Variants in HHLA2 observed in about 807,000 individuals in gnomAD.
HHLA2 encodes the protein HHLA2 member of B7 family, also known as HERV-H LTR-associating protein 2.
HHLA2 carries 48 observed loss-of-function variants against 45.9 expected under a neutral mutation model. The observed-to-expected ratio is 1.05, with a 90% CI of 0.83 to 1.33. The LOEUF is 1.33. Ranked by LOEUF, HHLA2 falls within the 40% of genes most tolerant of loss-of-function variation. The pLI is 0.00. For missense variants in HHLA2, 462 were observed against 494.3 expected (o/e 0.93, Z 0.62); for synonymous variants, 161 against 173.9 (o/e 0.93, Z 0.59).
chr3:108,366,285 T>A (rs528888730), intron 8 of HHLA2, among the ~76,000 whole-genome samples: 45 of 152,376 alleles, frequency 3.0e-4, no homozygotes, highest in African/African-American at 1.1e-3. Flanking sequence ...TTACATTTAT[T>A]GATTTGCATA....
chr3:108,365,045 G>C (rs535568054), intron 8 of HHLA2, among the ~76,000 whole-genome samples: 1 of 152,202 alleles, frequency 6.6e-6, no homozygotes, highest in Admixed American at 6.5e-5. Flanking sequence ...AATTGCTTTT[G>C]GTGTTTTAGT....
At chr3:108,375,700 G>A in intron 8 of HHLA2, 50 bp from the exon 8 acceptor site, 2 of 1,589,064 alleles carry the variant, frequency 1.3e-6, no homozygotes, top group Non-Finnish European at 8.6e-7. Flanking sequence ...CAGGGAAACA[G>A]CTGGGAGAGT....
chr3:108,323,837 A>G (rs1388625991), intron 2 of HHLA2, among the ~76,000 whole-genome samples: 1 of 152,344 alleles, frequency 6.6e-6, no homozygotes, highest in East Asian at 1.9e-4. Context: ...TGAAATGAAA[A>G]TGAATTATCT....
intron 3 of HHLA2, among the ~76,000 whole-genome samples, chr3:108,343,923 T>C (rs936265): frequency 0.68 from 102,804 of 152,050 alleles, 35,643 homozygotes; most frequent in African/African-American, 0.77. Context: ...CACAGACTGT[T>C]GATCCTCCTC....
intron 4 of HHLA2, 59 bp from the exon 4 acceptor site, chr3:108,353,367 TA>T: frequency 1.8e-6 from 2 of 1,113,650 alleles, no homozygotes; most frequent in Non-Finnish European, 2.5e-6. Flanking sequence ...AGTTCTGGTA[TA>T]ATCCTGAACA....
chr3:108,338,460 TG>T (rs1439744464), intron 3 of HHLA2, among the ~76,000 whole-genome samples: 1 of 151,562 alleles, frequency 6.6e-6, no homozygotes, highest in East Asian at 1.9e-4. Flanking sequence ...ACATGCTTGT[TG>T]GGGGGCACTC....
At chr3:108,312,285 C>T (rs551981974) in intron 2 of HHLA2, among the ~76,000 whole-genome samples, 2 of 152,354 alleles carry the variant, frequency 1.3e-5, no homozygotes, top group South Asian at 2.1e-4. Flanking sequence ...CCAGCCATCA[C>T]CCATGTGGCC....
At chr3:108,301,785 A>AAGC (rs2080852982) in intron 1 of HHLA2, among the ~76,000 whole-genome samples, 1 of 152,058 alleles carries the variant, frequency 6.6e-6, no homozygotes, top group South Asian at 2.1e-4. Context: ...TCTTGGAACC[A>AAGC]AGCAGCATGC....
intron 2 of HHLA2, among the ~76,000 whole-genome samples, chr3:108,327,475 T>A (rs2081306840): frequency 6.6e-6 from 1 of 152,210 alleles, no homozygotes; most frequent in African/African-American, 2.4e-5. Flanking sequence ...GTTTCTCATC[T>A]TTCTTTCTAA....
intron 1 of HHLA2, among the ~76,000 whole-genome samples, chr3:108,297,800 G>T (rs938732669): frequency 6.6e-6 from 1 of 152,144 alleles, no homozygotes; most frequent in Admixed American, 6.5e-5. Context: ...TTTCCTCCAG[G>T]TGCTTAAAAT....
At chr3:108,376,523 G>A (rs1325673098) in exon 10 of HHLA2, 2 of 1,612,476 alleles carry the variant, frequency 1.2e-6, no homozygotes, top group Non-Finnish European at 1.7e-6. Context: ...GGTGAGCGCT[G>A]TCCCAGTGCA....
At chr3:108,337,000 T>G (rs6808592) in intron 3 of HHLA2, among the ~76,000 whole-genome samples, 8,407 of 152,168 alleles carry the variant, frequency 0.055, 248 homozygotes, top group African/African-American at 0.06. Flanking sequence ...TGGTGGTAAA[T>G]TATGCCTTTT....
chr3:108,334,775 G>A (rs1238742198), intron 3 of HHLA2, among the ~76,000 whole-genome samples: 2 of 152,300 alleles, frequency 1.3e-5, no homozygotes, highest in East Asian at 1.9e-4. Flanking sequence ...ACAGCAGAAC[G>A]TCACTTTCAT....
At chr3:108,345,981 G>A (rs1248417748) in intron 3 of HHLA2, among the ~76,000 whole-genome samples, 1 of 152,174 alleles carries the variant, frequency 6.6e-6, no homozygotes, top group Non-Finnish European at 1.5e-5. Flanking sequence ...GACTGAGCAG[G>A]TGGCTCTATT....
At chr3:108,359,653 C>G (rs1360393856) in intron 7 of HHLA2, among the ~76,000 whole-genome samples, 1 of 152,094 alleles carries the variant, frequency 6.6e-6, no homozygotes, top group South Asian at 2.1e-4. Context: ...GATGGGGGAA[C>G]CTGAGGGTCA....
intron 6 of HHLA2, among the ~76,000 whole-genome samples, chr3:108,356,382 T>C (rs1223880491): frequency 2.6e-5 from 4 of 152,094 alleles, no homozygotes; most frequent in Admixed American, 6.6e-5. Context: ...GTCTCCCTTA[T>C]AGGGGGAAAA....
intron 3 of HHLA2, among the ~76,000 whole-genome samples, chr3:108,349,237 A>G (rs2107446908): frequency 6.6e-6 from 1 of 152,264 alleles, no homozygotes; most frequent in African/African-American, 2.4e-5. Context: ...CAAAATAGAT[A>G]GACCACTAGC....
intron 1 of HHLA2, among the ~76,000 whole-genome samples, chr3:108,310,174 A>G (rs1271226581): frequency 6.6e-6 from 1 of 152,060 alleles, no homozygotes; most frequent in African/African-American, 2.4e-5. Flanking sequence ...GCTTATATTT[A>G]TCTAGATCAG....
chr3:108,340,626 A>AT (rs1256974224), intron 3 of HHLA2, among the ~76,000 whole-genome samples: 4 of 152,204 alleles, frequency 2.6e-5, no homozygotes, highest in Admixed American at 2.6e-4. Flanking sequence ...TATATACCAA[A>AT]TTAAAGCTTT....
Sources: gnomAD v4.1 joint callset for allele counts (sites outside exome capture counted in the v4.1 genomes callset) on GRCh38, gnomAD v4.1.1 for gene constraint, MANE v1.5 for transcripts, NCBI Gene and HGNC (gene_info 2026-07-23, HGNC 2026-07-21) for gene names.